The following ELP4 variants were observed in gnomAD, a reference collection of about 807,000 sequenced individuals.
ELP4 encodes elongator complex protein 4.
ELP4 carries 51 observed loss-of-function variants against 48.9 expected under a neutral mutation model. That is an observed-to-expected ratio of 1.04 (90% CI 0.83 to 1.32). The LOEUF (loss-of-function observed/expected upper bound fraction) is 1.32. Ranked by LOEUF, ELP4 falls within the 40% of genes most tolerant of loss-of-function variation. The pLI, the probability that ELP4 is intolerant of heterozygous loss-of-function variation, is 0.00. For synonymous variants in ELP4, 210 were observed against 189.2 expected (o/e 1.11, Z -0.90); for missense variants, 519 against 514.6 (o/e 1.01, Z -0.08).
chr11:31,581,978 T>A (rs1957400375), intron 3 of ELP4, among the ~76,000 whole-genome samples: 1 of 152,126 alleles, frequency 6.6e-6, no homozygotes, highest in South Asian at 2.1e-4. Context: ...GGTCTTAAAT[T>A]TCTGGCCTCA....
intron 9 of ELP4, among the ~76,000 whole-genome samples, chr11:31,744,755 T>C (rs1404169555): frequency 6.6e-6 from 1 of 152,036 alleles, no homozygotes; most frequent in Non-Finnish European, 1.5e-5. Context: ...TAATAAGAGC[T>C]ATCTATGACA....
At chr11:31,537,030 T>C (rs1181797807) in intron 2 of ELP4, among the ~76,000 whole-genome samples, 1 of 152,188 alleles carries the variant, frequency 6.6e-6, no homozygotes, top group African/African-American at 2.4e-5. Context: ...CATGCTTTCA[T>C]GTCCTAAGAA....
intron 3 of ELP4, among the ~76,000 whole-genome samples, chr11:31,553,400 A>C (rs1252765534): frequency 6.6e-6 from 1 of 152,172 alleles, no homozygotes; most frequent in Non-Finnish European, 1.5e-5. Context: ...TCAGCCAGTC[A>C]GCAGAAGACC....
At chr11:31,599,644 A>C (rs1304072282) in intron 4 of ELP4, 1 of 152,968 alleles carries the variant, frequency 6.5e-6, no homozygotes. Flanking sequence ...ACTTACAATC[A>C]TGGCAGAAGG....
At position 31,610,039 on chromosome 11, in the gene ELP4, G is replaced by T. The variant is rs111263502; in HGVS notation, c.653+6132G>T. Among the ~76,000 whole-genome samples the T allele has an allele frequency of 4.0e-4, 61 of 152,072 alleles. No homozygotes were observed. In the East Asian group the frequency reaches 0.012, roughly 29 times the overall value. ...CCAGCCTGGGCAAAAGAGCAAGACCGTTGTCTTAAAAAAACAGAAAATTTA... is the reference window on the plus strand; with the variant it reads ...CCAGCCTGGGCAAAAGAGCAAGACCTTTGTCTTAAAAAAACAGAAAATTTA... On this transcript the variant is annotated intron_variant, in intron 5 of 9. Transcript: ENST00000640961.
intron 9 of ELP4, among the ~76,000 whole-genome samples, chr11:31,683,459 A>G (rs1946097661): frequency 6.6e-6 from 1 of 152,190 alleles, no homozygotes; most frequent in Admixed American, 6.5e-5. Context: ...TGGCAAATTG[A>G]GTGTATTATT....
At chr11:31,565,638 C>A (rs897598335) in intron 3 of ELP4, among the ~76,000 whole-genome samples, 8 of 145,292 alleles carry the variant, frequency 5.5e-5, no homozygotes, top group African/African-American at 2.2e-4. Flanking sequence ...AGAATCCTTT[C>A]CCCATCTCTT....
At chr11:31,523,228 T>C (rs1177228090) in intron 2 of ELP4, among the ~76,000 whole-genome samples, 2 of 152,084 alleles carry the variant, frequency 1.3e-5, no homozygotes, top group Non-Finnish European at 2.9e-5. Context: ...ATGAATTAAA[T>C]CCACTTGAAG....
At chr11:31,699,588 A>G (rs1047165943) in intron 9 of ELP4, among the ~76,000 whole-genome samples, 1 of 152,212 alleles carries the variant, frequency 6.6e-6, no homozygotes, top group Non-Finnish European at 1.5e-5. Flanking sequence ...GAAGTTTTCA[A>G]TGGAGACTGA....
chr11:31,775,155 T>C (rs964970881), intron 9 of ELP4, among the ~76,000 whole-genome samples: 2 of 152,356 alleles, frequency 1.3e-5, no homozygotes, highest in African/African-American at 2.4e-5. Context: ...CTTTAAGTTA[T>C]TAAGCCAACA....
chr11:31,782,759 C>T (rs1948406000), intron 9 of ELP4, among the ~76,000 whole-genome samples: 1 of 152,110 alleles, frequency 6.6e-6, no homozygotes, highest in South Asian at 2.1e-4. Flanking sequence ...TAGAAACAAA[C>T]TTACCAAGAC....
At chr11:31,672,567 G>A (rs567184677) in intron 9 of ELP4, among the ~76,000 whole-genome samples, 13 of 152,268 alleles carry the variant, frequency 8.5e-5, no homozygotes, top group South Asian at 2.1e-4. Flanking sequence ...AGGCGTGGGC[G>A]GATGACTTGA....
intron 5 of ELP4, among the ~76,000 whole-genome samples, chr11:31,620,998 A>G (rs1338362904): frequency 6.6e-6 from 1 of 151,934 alleles, no homozygotes. Context: ...GACAGCCTTC[A>G]GGGTAACAGT....
intron 3 of ELP4, among the ~76,000 whole-genome samples, chr11:31,556,230 T>C (rs1302951455): frequency 2.0e-5 from 3 of 151,706 alleles, no homozygotes; most frequent in African/African-American, 4.8e-5. Context: ...CCTTAGAAAA[T>C]CATATAGAAC....
chr11:31,533,365 A>ATCCTTTTTTTT (rs1956433163), intron 2 of ELP4, among the ~76,000 whole-genome samples: 1 of 67,742 alleles, frequency 1.5e-5, no homozygotes, highest in African/African-American at 7.5e-5. Context: ...AAGCCATCTC[A>ATCCTTTTTTTT]TTCTTTTTTT....
In ELP4 at chr11:31,549,111, G is replaced by A. The variant is rs372135245; in HGVS notation, c.381+9328G>A. On this transcript the variant is annotated intron_variant, in intron 3 of 9. Coordinates refer to ENST00000640961, the MANE Select transcript of ELP4 (RefSeq NM_019040.5). ...CATGTCTAAAACACCAAAAGCAATGGCAACAAAAGCCAAAATTGACAAATG... is the reference window on the plus strand; with the variant it reads ...CATGTCTAAAACACCAAAAGCAATGACAACAAAAGCCAAAATTGACAAATG... Among the ~76,000 whole-genome samples the A allele has an allele frequency of 3.3e-5, 5 of 151,956 alleles. No homozygotes were observed. The East Asian group carries it at 5.8e-4, about 18-fold the overall frequency.
intron 2 of ELP4, among the ~76,000 whole-genome samples, chr11:31,539,113 A>C (rs1006974835): frequency 1.3e-5 from 2 of 152,172 alleles, no homozygotes. Context: ...AATTTTGTGG[A>C]TATCAAAGTG....
At chr11:31,525,281 C>G (rs1041286445) in intron 2 of ELP4, among the ~76,000 whole-genome samples, 15 of 152,144 alleles carry the variant, frequency 9.9e-5, no homozygotes, top group African/African-American at 3.4e-4. Flanking sequence ...TGTTAAAGGA[C>G]TGAAATAGGA....
chr11:31,595,292 T>C (rs958643306), intron 4 of ELP4, among the ~76,000 whole-genome samples: 45 of 152,262 alleles, frequency 3.0e-4, no homozygotes, highest in African/African-American at 1.0e-3. Flanking sequence ...TATCTGGTAA[T>C]GTCATCTATT....
Sources: allele counts gnomAD v4.1 joint callset (sites outside exome capture counted in the v4.1 genomes callset), GRCh38; gene constraint gnomAD v4.1.1; transcripts MANE v1.5; gene names NCBI Gene and HGNC (gene_info 2026-07-23, HGNC 2026-07-21).